Variants in SNX1 observed in about 807,000 individuals in gnomAD.
SNX1 encodes sorting nexin 1.
SNX1 carries 36 observed loss-of-function variants against 71.8 expected under a neutral mutation model. That is an observed-to-expected ratio of 0.50 (90% CI 0.38 to 0.66). SNX1 has a LOEUF of 0.66. SNX1 is among the 30% of genes least tolerant of loss of function. The pLI, the probability that SNX1 is intolerant of heterozygous loss-of-function variation, is 0.00. For missense variants in SNX1, 612 were observed against 646.7 expected (o/e 0.95, Z 0.58); for synonymous variants, 254 against 240.7 (o/e 1.06, Z -0.51).
chr15:64,104,142 G>A (rs955235334), intron 1 of SNX1, among the ~76,000 whole-genome samples: 2 of 152,046 alleles, frequency 1.3e-5, no homozygotes, highest in African/African-American at 4.8e-5. Flanking sequence ...CATAAGTTTA[G>A]ATTTCCCTGA....
Position 64,127,232 on chromosome 15 carries a change from A to G in SNX1, c.711A>G (p.Lys237=), listed in dbSNP as rs2081263322. ...EDSSSAEFLE[K]RRAALERYLQ... ...CTTCTTCTGCAGAATTTCTTGAAAAACGGAGGGCCGCTTTAGAAAGGTAAG... is the reference window on the plus strand; with the variant it reads ...CTTCTTCTGCAGAATTTCTTGAAAAGCGGAGGGCCGCTTTAGAAAGGTAAG... Residue 237 remains lysine (K), a synonymous_variant, in exon 7 of 15, where the codon AAA becomes AAG. Transcript: ENST00000559844. 4.3e-6 allele frequency: 7 copies of G among 1,613,570 alleles called. No individual in the cohort carries two copies. Among genetic ancestry groups the G allele is most frequent in the South Asian group, 3.3e-5 (3 of 91,022 alleles).
In SNX1 at chr15:64,118,243, A is replaced by T; in HGVS notation, c.398A>T (p.Glu133Val). 1 of 1,612,454 alleles carries T rather than the reference A, an allele frequency of 6.2e-7. No individual in the cohort carries two copies. Among genetic ancestry groups the T allele is most frequent in the Non-Finnish European group, 8.5e-7 (1 of 1,179,566 alleles). ...TCGAAGCCCCAGCCAACCTATGAGG[A>T]GGTGAGGATCTGTGCTCTTGGTCTT... ...NSSKPQPTYEELEEEEQEDQF... is the reference protein window; with the variant it reads ...NSSKPQPTYEVLEEEEQEDQF... The change falls in exon 3 of 15, where the codon GAG (glutamate) becomes GTG (valine). Residue 133 changes from glutamate to valine, a missense_variant and splice_region_variant. Glu to Val is a moderately radical substitution (Grantham distance 121). Around this residue, in one of 2 missense-constraint regions of SNX1, gnomAD observed 316 missense variants for 284.9 expected, o/e 1.11. Coordinates refer to ENST00000559844, the MANE Select transcript of SNX1 (RefSeq NM_003099.5).
At chr15:64,110,270 C>T (rs1031301727) in intron 1 of SNX1, among the ~76,000 whole-genome samples, 4 of 152,218 alleles carry the variant, frequency 2.6e-5, no homozygotes, top group Non-Finnish European at 5.9e-5. Flanking sequence ...CTTCAGCTCT[C>T]TTAGAACTCA....
chr15:64,097,189 T>C (rs1421280828), intron 1 of SNX1, among the ~76,000 whole-genome samples: 1 of 152,208 alleles, frequency 6.6e-6, no homozygotes, highest in Admixed American at 6.5e-5. Flanking sequence ...GGTCCCTGCT[T>C]GGCCTGCGGC....
intron 8 of SNX1, among the ~76,000 whole-genome samples, chr15:64,128,220 G>A (rs1016255960): frequency 2.1e-4 from 32 of 152,344 alleles, no homozygotes; most frequent in African/African-American, 6.5e-4. Flanking sequence ...CAGGCTATGC[G>A]TAGGCTAGTC....
chr15:64,096,071 G>T lies in SNX1; in HGVS notation c.58G>T (p.Gly20Cys). The change falls in exon 1 of 15, where the codon GGC becomes TGC. Residue 20 changes from glycine to cysteine, a missense_variant. Coordinates refer to ENST00000559844, the MANE Select transcript of SNX1 (RefSeq NM_003099.5). The part of the protein sequence containing the change: ...ASERLPPPFP[G>C]LEPESEGAAG... ...GGAGAGACTGCCTCCGCCCTTCCCCGGCCTGGAGCCGGAGTCCGAGGGGGC... is the reference window on the plus strand; with the variant it reads ...GGAGAGACTGCCTCCGCCCTTCCCCTGCCTGGAGCCGGAGTCCGAGGGGGC... 1 of 1,581,948 alleles carries T rather than the reference G, an allele frequency of 6.3e-7. No homozygotes were observed. The highest frequency in any genetic ancestry group is 2.3e-5 in the East Asian group (1 of 43,720).
chr15:64,132,863 C>T (rs1303720688), intron 11 of SNX1, among the ~76,000 whole-genome samples: 1 of 152,198 alleles, frequency 6.6e-6, no homozygotes, highest in Non-Finnish European at 1.5e-5. Context: ...ATTTGGTTTG[C>T]TGCTAACTCC....
intron 13 of SNX1, 137 bp downstream of exon 13, chr15:64,136,547 T>TG (rs929740854): frequency 1.1e-4 from 79 of 734,264 alleles, no homozygotes; most frequent in African/African-American, 2.8e-4. Flanking sequence ...TGGCCTTCTT[T>TG]GGGGGGGTGT....
rs2081288701 is a variant in SNX1 at position 64,129,848 on chromosome 15, A to G, written c.808-68A>G. 7 of 1,146,204 alleles carry G rather than the reference A, an allele frequency of 6.1e-6. No individual in the cohort carries two copies. In the East Asian group the frequency reaches 1.6e-4, roughly 27 times the overall value. 71.0% of individuals were successfully genotyped at this position (1,146,204 alleles called of 1,614,324 possible). A position where few individuals can be genotyped will look rare whatever the true frequency, so the allele number is the denominator to read the frequency against. On this transcript the variant is annotated intron_variant, in intron 8 of 14. Transcript: ENST00000559844. The surrounding 1 kb of genome is among the most constrained non-coding windows in gnomAD (Gnocchi z 4.4). ...AGTTTTGGCATGCCATCTGATGGAT[A>G]CTAATTCTTCTGAACCTAAAATAGG...
intron 13 of SNX1, 102 bp from the exon 14 acceptor site, chr15:64,136,759 A>G (rs758939042): frequency 1.1e-5 from 9 of 826,274 alleles, no homozygotes; most frequent in Non-Finnish European, 1.6e-5. Context: ...TGCTGCCTCT[A>G]CTTTCTGAGA....
chr15:64,137,067 T>C lies in SNX1; in HGVS notation c.1518+135T>C, dbSNP rs1342913093. On this transcript the variant is annotated intron_variant, in intron 14 of 14. Transcript: ENST00000559844. ...CCCTCCTATAGTCCATCATTGAAAA[T>C]AGGTCCTGCTGCTCTGACATGGAGC... 1.1e-5 allele frequency: 7 copies of C among 647,788 alleles called. No individual in the cohort carries two copies. In the South Asian group the frequency reaches 1.4e-4, roughly 13 times the overall value. 40.1% of individuals were successfully genotyped at this position (647,788 alleles called of 1,614,324 possible). A position where few individuals can be genotyped will look rare whatever the true frequency, so the allele number is the denominator to read the frequency against.
chr15:64,134,855 A>G lies in SNX1; in HGVS notation c.1365+48A>G, dbSNP rs113036212. 1 of 1,605,806 alleles carries G rather than the reference A, an allele frequency of 6.2e-7. No homozygotes were observed. Among genetic ancestry groups the G allele is most frequent in the Non-Finnish European group, 8.5e-7 (1 of 1,176,190 alleles). ...GCCAGGGGTGTTCTGCTGGTTCCAA[A>G]TGAACCCAGGGCCCATCCCACCCAG... On this transcript the variant is annotated intron_variant, in intron 12 of 14. Coordinates refer to ENST00000559844, the MANE Select transcript of SNX1 (RefSeq NM_003099.5). The surrounding 1 kb of genome is among the most constrained non-coding windows in gnomAD (Gnocchi z 4.1).
intron 11 of SNX1, among the ~76,000 whole-genome samples, chr15:64,133,337 G>A (rs1467826776): frequency 5.9e-5 from 9 of 152,222 alleles, no homozygotes; most frequent in Non-Finnish European, 5.9e-5. Context: ...ATGCTGCAGG[G>A]TAGCAGCAGT....
At chr15:64,097,711 T>A (rs551805574) in intron 1 of SNX1, among the ~76,000 whole-genome samples, 10 of 152,198 alleles carry the variant, frequency 6.6e-5, no homozygotes, top group Non-Finnish European at 1.0e-4. Flanking sequence ...TCATACCACT[T>A]GGTATAGGTT....
In SNX1 at chr15:64,129,786, T is replaced by A. The variant is rs1290537492; in HGVS notation, c.808-130T>A. The A allele has an allele frequency of 1.5e-6, 1 of 676,236 alleles. No homozygotes were observed. The highest frequency in any genetic ancestry group is 2.7e-6 in the Non-Finnish European group (1 of 374,316). 41.9% of individuals were successfully genotyped at this position (676,236 alleles called of 1,614,324 possible). A position where few individuals can be genotyped will look rare whatever the true frequency, so the allele number is the denominator to read the frequency against. ...TAGTTGTGGATTCCTCAGACTGCCTTTGAAAACAATTTACAGTTCAAATAA... is the reference window on the plus strand; with the variant it reads ...TAGTTGTGGATTCCTCAGACTGCCTATGAAAACAATTTACAGTTCAAATAA... On this transcript the variant is annotated intron_variant, in intron 8 of 14. Transcript: ENST00000559844. This position sits in a 1 kb window ranked among gnomAD's most constrained non-coding sequence, Gnocchi z 4.4.
At chr15:64,109,022 G>C (rs1032716713) in intron 1 of SNX1, among the ~76,000 whole-genome samples, 5 of 151,524 alleles carry the variant, frequency 3.3e-5, no homozygotes, top group Non-Finnish European at 7.4e-5. Flanking sequence ...GAAAGTTGGG[G>C]AGGGGTACTG....
chr15:64,126,483 G>A (rs2081254477), intron 6 of SNX1, among the ~76,000 whole-genome samples: 1 of 152,192 alleles, frequency 6.6e-6, no homozygotes, highest in African/African-American at 2.4e-5. Context: ...TTACATGATT[G>A]CGGTTGCCTC....
chr15:64,118,892 T>C (rs779426796), intron 4 of SNX1, 38 bp downstream of exon 4: 10 of 1,538,554 alleles, frequency 6.5e-6, no homozygotes, highest in Admixed American at 1.7e-5. Flanking sequence ...TGTTAGGATG[T>C]GGCTGTGGAA....
chr15:64,099,690 T>C (rs1243260211), intron 1 of SNX1, among the ~76,000 whole-genome samples: 1 of 152,206 alleles, frequency 6.6e-6, no homozygotes, highest in Non-Finnish European at 1.5e-5. Flanking sequence ...TTTGATTAGC[T>C]AAAAGCATCA....
Sources: allele counts gnomAD v4.1 joint callset (sites outside exome capture counted in the v4.1 genomes callset), GRCh38; gene constraint gnomAD v4.1.1; regional missense constraint gnomAD v4.1.1; non-coding constraint Gnocchi (gnomAD v3.1); transcripts MANE v1.5; gene names NCBI Gene and HGNC (gene_info 2026-07-23, HGNC 2026-07-21).